IP6K2: variants seen among roughly 807,000 people sequenced by gnomAD.
The protein encoded by IP6K2 is inositol hexakisphosphate kinase 2, also known as ATP:1D-myo-inositol-hexakisphosphate phosphotransferase.
In IP6K2, 9 loss-of-function variants were observed where a neutral mutation model predicts 43.3. The observed-to-expected ratio is 0.21, with a 90% CI of 0.13 to 0.36. IP6K2 has a LOEUF of 0.36. IP6K2 is among the 10% of genes least tolerant of loss of function. IP6K2 has a pLI of 1.00. For missense variants in IP6K2, 332 were observed against 538.4 expected, an observed-to-expected ratio of 0.62 and a Z score of 3.79; for synonymous variants, 209 against 202.4, an observed-to-expected ratio of 1.03 and a Z score of -0.28.
At position 48,695,413 on chromosome 3, in the gene IP6K2, G is replaced by A. The variant is rs61740999; in HGVS notation, c.-122C>T. The A allele has an allele frequency of 0.028, 40,023 of 1,437,694 alleles. 675 individuals carry two copies. Among genetic ancestry groups the A allele is most frequent in the Middle Eastern group, 0.043 (238 of 5,508 alleles). 89.1% of individuals were successfully genotyped at this position (1,437,694 alleles called of 1,614,324 possible). On this transcript the variant is annotated 5_prime_UTR_variant, in exon 2 of 6. Coordinates refer to ENST00000328631, the MANE Select transcript of IP6K2 (RefSeq NM_016291.4). The surrounding 1 kb of genome is among the most constrained non-coding windows in gnomAD (Gnocchi z 4.6). ...TGGCTCCTTGGCTTGTTCTGGCCAG[G>A]ATGCTCTGCTGGAAGCAAACAAAAT...
intron 4 of IP6K2, among the ~76,000 whole-genome samples, chr3:48,691,018 T>C (rs2077737108): frequency 6.6e-6 from 1 of 151,984 alleles, no homozygotes; most frequent in African/African-American, 2.4e-5. Context: ...TCCTCTAGGT[T>C]ACCTAGGCTA....
At chr3:48,693,917 G>T in intron 2 of IP6K2, 3 of 1,304,510 alleles carry the variant, frequency 2.3e-6, no homozygotes, top group Non-Finnish European at 2.9e-6. Context: ...AACCTGCCAT[G>T]AGTAATTAAG....
At chr3:48,709,966 A>G (rs1199239580) in intron 1 of IP6K2, among the ~76,000 whole-genome samples, 7 of 152,202 alleles carry the variant, frequency 4.6e-5, no homozygotes, top group Non-Finnish European at 1.0e-4. Flanking sequence ...ATCCAGAAAA[A>G]TATTTTAAAA....
chr3:48,693,885 G>C, intron 2 of IP6K2: 5 of 1,219,804 alleles, frequency 4.1e-6, no homozygotes, highest in Non-Finnish European at 5.1e-6. Context: ...CTTGAAAGCA[G>C]CTTTTCCCCT....
At chr3:48,710,932 G>A (rs2080437551) in intron 1 of IP6K2, among the ~76,000 whole-genome samples, 2 of 151,928 alleles carry the variant, frequency 1.3e-5, no homozygotes, top group Non-Finnish European at 2.9e-5. Flanking sequence ...TTTAACACAG[G>A]GTCTCACTCA....
intron 2 of IP6K2, chr3:48,693,778 A>T (rs2078004561): frequency 9.6e-7 from 1 of 1,044,074 alleles, no homozygotes; most frequent in Middle Eastern, 4.7e-4. Flanking sequence ...GTTCTTATAA[A>T]ATATGTTTTT....
At chr3:48,705,875 AT>A (rs1413304517) in intron 1 of IP6K2, among the ~76,000 whole-genome samples, 1 of 140,108 alleles carries the variant, frequency 7.1e-6, no homozygotes, top group Non-Finnish European at 1.5e-5. Context: ...AATAAAAAAA[AT>A]AAAAAAATAA....
intron 1 of IP6K2, among the ~76,000 whole-genome samples, chr3:48,709,140 C>T (rs1430166569): frequency 1.3e-5 from 2 of 152,230 alleles, no homozygotes; most frequent in African/African-American, 4.8e-5. Context: ...GCAATGTTTA[C>T]CCCATTTAGC....
In IP6K2 at chr3:48,688,122, G is replaced by T; in HGVS notation, c.*151C>A. On this transcript the variant is annotated 3_prime_UTR_variant, in exon 6 of 6. Coordinates refer to ENST00000328631, the MANE Select transcript of IP6K2 (RefSeq NM_016291.4). The surrounding 1 kb of genome is among the most constrained non-coding windows in gnomAD (Gnocchi z 5.1). ...TAAATAAAGACTCCAAGCACAGCTG[G>T]GACTGGCTCAGGCTGGGGCTCACAG... is the stretch of plus-strand genomic sequence containing the variant. The T allele has an allele frequency of 1.4e-6, 1 of 738,668 alleles. No individual in the cohort carries two copies. Among genetic ancestry groups the T allele is most frequent in the South Asian group, 1.7e-5 (1 of 58,026 alleles). 45.8% of individuals were successfully genotyped at this position (738,668 alleles called of 1,614,324 possible). A position where few individuals can be genotyped will look rare whatever the true frequency, so the allele number is the denominator to read the frequency against.
At position 48,692,998 on chromosome 3, in the gene IP6K2, A is replaced by AGG; in HGVS notation, c.382_383dup (p.Lys129LeufsTer14). On this transcript the variant is annotated frameshift_variant, in exon 3 of 6. Transcript: ENST00000328631. LOFTEE classifies it high-confidence loss of function. ...TACGGTGCTGACGCACCCAGTCCTT[A>AGG]GGGGTCTTTTCTGTTTCTAAGACAT... is the stretch of plus-strand genomic sequence containing the variant. 6.2e-7 allele frequency: 1 copy of AGG among 1,614,146 alleles called. No individual in the cohort carries two copies. Among genetic ancestry groups the AGG allele is most frequent in the Non-Finnish European group, 8.5e-7 (1 of 1,180,004 alleles).
chr3:48,695,315 G>GA lies in IP6K2; in HGVS notation c.-25dup, dbSNP rs1265278330. On this transcript the variant is annotated 5_prime_UTR_variant, in exon 2 of 6. Coordinates refer to ENST00000328631, the MANE Select transcript of IP6K2 (RefSeq NM_016291.4). This position sits in a 1 kb window ranked among gnomAD's most constrained non-coding sequence, Gnocchi z 4.6. ...ATCCTCCGGGCGCAGATGGCGGGGA[G>GA]ATGGGGGAGGCAGCGGAGTCCAGCG... The GA allele has an allele frequency of 6.3e-7, 1 of 1,597,634 alleles. No individual in the cohort carries two copies. The highest frequency in any genetic ancestry group is 8.5e-7 in the Non-Finnish European group (1 of 1,170,030).
chr3:48,706,738 G>A (rs1391513523), intron 1 of IP6K2, among the ~76,000 whole-genome samples: 1 of 152,072 alleles, frequency 6.6e-6, no homozygotes, highest in Non-Finnish European at 1.5e-5. Flanking sequence ...TACTTGGGGG[G>A]CTGAAGCAGG....
rs143581938 is a variant in IP6K2, at chr3:48,713,611, G to A, written c.-131+3546C>T. ...GGTTTGGGATTAGACACTCAATTTC[G>A]AAAACACATAGGAGTGTCTCAAGTA... On this transcript the variant is annotated intron_variant, in intron 1 of 5. Coordinates refer to ENST00000328631, the MANE Select transcript of IP6K2 (RefSeq NM_016291.4). Among the ~76,000 whole-genome samples, 31 of 152,234 alleles carry A rather than the reference G, an allele frequency of 2.0e-4. No homozygotes were observed. In the East Asian group the frequency reaches 3.3e-3, roughly 16 times the overall value.
chr3:48,696,310 G>A (rs1002982902), intron 1 of IP6K2, among the ~76,000 whole-genome samples: 6 of 152,176 alleles, frequency 3.9e-5, no homozygotes, highest in Non-Finnish European at 7.4e-5. Context: ...GGCCAAAGAC[G>A]AGCCCCATTA....
At chr3:48,696,328 T>C (rs2078343763) in intron 1 of IP6K2, among the ~76,000 whole-genome samples, 1 of 152,194 alleles carries the variant, frequency 6.6e-6, no homozygotes, top group Non-Finnish European at 1.5e-5. Context: ...TTAACCTTGT[T>C]AGCAATGGAG....
In IP6K2 at chr3:48,695,514, GACAA is replaced by G. The variant is rs2078233107; in HGVS notation, c.-130-97_-130-94del. On this transcript the variant is annotated intron_variant, in intron 1 of 5. Transcript: ENST00000328631. The surrounding 1 kb of genome is among the most constrained non-coding windows in gnomAD (Gnocchi z 4.6). ...CCTGCTCCTTCAGCAGAAAGACAAAGACAAACAGTCTGAGTTCTTGCGGGACTCC... is the reference window on the plus strand; with the variant it reads ...CCTGCTCCTTCAGCAGAAAGACAAAGACAGTCTGAGTTCTTGCGGGACTCC... The G allele has an allele frequency of 1.1e-5, 14 of 1,298,744 alleles. No individual in the cohort carries two copies. Among genetic ancestry groups the G allele is most frequent in the Middle Eastern group, 2.1e-4 (1 of 4,858 alleles). The allele number at this position is 1,298,744 out of a possible 1,614,324, so 80.5% of individuals were successfully genotyped here. A position where few individuals can be genotyped will look rare whatever the true frequency, so the allele number is the denominator to read the frequency against.
chr3:48,701,083 A>G (rs2078969907), intron 1 of IP6K2, among the ~76,000 whole-genome samples: 1 of 152,206 alleles, frequency 6.6e-6, no homozygotes, highest in Non-Finnish European at 1.5e-5. Flanking sequence ...GTGGAATGAC[A>G]ACGTGGCTGG....
At chr3:48,694,957 A>G (rs755701022) in intron 2 of IP6K2, 133 bp downstream of exon 2, 287 of 1,580,988 alleles carry the variant, frequency 1.8e-4, no homozygotes, top group Admixed American at 3.1e-4. Flanking sequence ...GGAGGAGGAG[A>G]AGGAGGAGAG....
chr3:48,710,739 A>C (rs898813124), intron 1 of IP6K2, among the ~76,000 whole-genome samples: 2 of 152,014 alleles, frequency 1.3e-5, no homozygotes, highest in African/African-American at 4.8e-5. Flanking sequence ...CCTTCCGAGC[A>C]GCTGGGACTA....
Sources: allele counts gnomAD v4.1 joint callset (sites outside exome capture counted in the v4.1 genomes callset), GRCh38; gene constraint gnomAD v4.1.1; non-coding constraint Gnocchi (gnomAD v3.1); transcripts MANE v1.5; gene names NCBI Gene and HGNC (gene_info 2026-07-23, HGNC 2026-07-21).